The following ARHGEF12 variants were observed in gnomAD, a reference collection of about 807,000 sequenced individuals.
ARHGEF12 encodes the protein Rho guanine nucleotide exchange factor 12, also known as KMT2A/ARHGEF12 fusion protein.
A neutral mutation model predicts 211.2 loss-of-function variants in ARHGEF12; 66 were observed. That is an observed-to-expected ratio of 0.31 (90% CI 0.26 to 0.38). The LOEUF is 0.38. Among genes scored for constraint, ARHGEF12 ranks in the 10% least tolerant of loss-of-function variants. The pLI is 1.00. For synonymous variants in ARHGEF12, 592 were observed against 638.4 expected (o/e 0.93, Z 1.09); for missense variants, 1,429 against 1,869.5 (o/e 0.76, Z 4.34).
chr11:120,386,399 C>T (rs1944030715), intron 1 of ARHGEF12, among the ~76,000 whole-genome samples: 1 of 152,122 alleles, frequency 6.6e-6, no homozygotes, highest in African/African-American at 2.4e-5. Flanking sequence ...ACAGACTTCT[C>T]TATTTAGGAA....
intron 1 of ARHGEF12, among the ~76,000 whole-genome samples, chr11:120,352,258 A>G (rs780266360): frequency 6.6e-6 from 1 of 152,204 alleles, no homozygotes; most frequent in Non-Finnish European, 1.5e-5. Flanking sequence ...AAATATATAC[A>G]CATCTGTAAA....
intron 4 of ARHGEF12, among the ~76,000 whole-genome samples, chr11:120,420,034 A>C (rs773163771): frequency 6.6e-6 from 1 of 151,976 alleles, no homozygotes; most frequent in Non-Finnish European, 1.5e-5. Flanking sequence ...GACAGTTTTC[A>C]TTTGCTGTTT....
intron 1 of ARHGEF12, among the ~76,000 whole-genome samples, chr11:120,345,383 A>C (rs1942673348): frequency 6.6e-6 from 1 of 152,214 alleles, no homozygotes; most frequent in Non-Finnish European, 1.5e-5. Flanking sequence ...GCTTTGCTGA[A>C]ACCTGAAAGT....
intron 1 of ARHGEF12, among the ~76,000 whole-genome samples, chr11:120,376,882 A>T (rs1943742069): frequency 6.6e-6 from 1 of 152,176 alleles, no homozygotes; most frequent in South Asian, 2.1e-4. Flanking sequence ...AATGAATGAG[A>T]GCATGTGAAG....
chr11:120,476,602 C>A, intron 33 of ARHGEF12, 59 bp from the exon 34 acceptor site: 1 of 1,288,526 alleles, frequency 7.8e-7, no homozygotes, highest in Non-Finnish European at 1.1e-6. Flanking sequence ...ACCCTAAAAA[C>A]ATCCCTCATG....
At position 120,457,185 on chromosome 11, in the gene ARHGEF12, T is replaced by C. The variant is rs1011161843; in HGVS notation, c.2124T>C (p.Asn708=). 1 of 1,614,006 alleles carries C rather than the reference T, an allele frequency of 6.2e-7. No individual in the cohort carries two copies. Among genetic ancestry groups the C allele is most frequent in the African/African-American group, 1.3e-5 (1 of 74,926 alleles). ...DTLDGTPRTL[N]TVFDFPPPPL... is the part of the protein sequence containing the mutation. ...TAGATGGCACACCTCGTACTCTCAA[T>C]ACTGTCTTTGATTTCCCACCACCTC... Residue 708 remains asparagine (N), a synonymous_variant, in exon 23 of 41, where the codon AAT becomes AAC. Transcript: ENST00000397843.
rs1211846000 is a variant in ARHGEF12 at position 120,406,100 on chromosome 11, AT to A, written c.33-12del. The A allele has an allele frequency of 2.0e-6, 3 of 1,532,038 alleles. No homozygotes were observed. The highest frequency in any genetic ancestry group is 2.5e-5 in the East Asian group (1 of 40,404). 94.9% of individuals were successfully genotyped at this position (1,532,038 alleles called of 1,614,324 possible). A position where few individuals can be genotyped will look rare whatever the true frequency, so the allele number is the denominator to read the frequency against. ...AAGTAAAGTAACTACATCTATCCTT[AT>A]TTTTTCTTTGTTTCAGGTTTCCCCT... On this transcript the variant is annotated splice_polypyrimidine_tract_variant and intron_variant, in intron 1 of 40. Coordinates refer to ENST00000397843, the MANE Select transcript of ARHGEF12 (RefSeq NM_015313.3).
intron 1 of ARHGEF12, among the ~76,000 whole-genome samples, chr11:120,385,862 G>T (rs796988802): frequency 2.0e-5 from 3 of 152,162 alleles, no homozygotes; most frequent in African/African-American, 7.2e-5. Context: ...AGACTTTGAC[G>T]TATTATTCTG....
At chr11:120,343,722 A>G (rs1942607212) in intron 1 of ARHGEF12, among the ~76,000 whole-genome samples, 1 of 152,200 alleles carries the variant, frequency 6.6e-6, no homozygotes, top group Non-Finnish European at 1.5e-5. Context: ...ACTGCAAGTA[A>G]CAATTCATGC....
intron 39 of ARHGEF12, among the ~76,000 whole-genome samples, chr11:120,483,272 T>TC (rs1314045614): frequency 1.4e-5 from 2 of 146,438 alleles, no homozygotes; most frequent in Non-Finnish European, 3.0e-5. Flanking sequence ...TTTTTTTTTT[T>TC]TTTTTTTTGA....
At chr11:120,431,287 C>G (rs1945524396) in intron 10 of ARHGEF12, among the ~76,000 whole-genome samples, 1 of 152,042 alleles carries the variant, frequency 6.6e-6, no homozygotes, top group South Asian at 2.1e-4. Context: ...AAGACTCCAT[C>G]TCAAATTAAA....
chr11:120,405,745 G>A (rs1944683588), intron 1 of ARHGEF12, among the ~76,000 whole-genome samples: 1 of 152,080 alleles, frequency 6.6e-6, no homozygotes, highest in Non-Finnish European at 1.5e-5. Context: ...CTATAAAATG[G>A]AAAGTATATC....
At chr11:120,382,746 C>T (rs1170760732) in intron 1 of ARHGEF12, among the ~76,000 whole-genome samples, 1 of 151,982 alleles carries the variant, frequency 6.6e-6, no homozygotes, top group Non-Finnish European at 1.5e-5. Flanking sequence ...TTTATATGTG[C>T]ATTGGTTATT....
intron 15 of ARHGEF12, among the ~76,000 whole-genome samples, chr11:120,442,441 C>CACACACACACACACATATATAT: frequency 6.9e-6 from 1 of 144,488 alleles, no homozygotes; most frequent in Admixed American, 6.9e-5. Flanking sequence ...CACACACACA[C>CACACACACACACACATATATAT]ACACACACAC....
At chr11:120,432,736 C>T (rs1945585956) in intron 11 of ARHGEF12, among the ~76,000 whole-genome samples, 1 of 152,174 alleles carries the variant, frequency 6.6e-6, no homozygotes, top group South Asian at 2.1e-4. Flanking sequence ...CACACATCTA[C>T]TATTTAACAA....
chr11:120,361,283 C>G (rs1240735167), intron 1 of ARHGEF12, among the ~76,000 whole-genome samples: 2 of 152,176 alleles, frequency 1.3e-5, no homozygotes, highest in African/African-American at 4.8e-5. Context: ...GCATTAGATT[C>G]TCATAGGAGT....
chr11:120,419,219 C>G (rs1945114445), intron 4 of ARHGEF12, among the ~76,000 whole-genome samples: 1 of 151,416 alleles, frequency 6.6e-6, no homozygotes, highest in South Asian at 2.1e-4. Flanking sequence ...CTCGGCCTCC[C>G]AAAGTGCTGC....
intron 1 of ARHGEF12, among the ~76,000 whole-genome samples, chr11:120,354,732 T>C (rs954465934): frequency 1.3e-5 from 2 of 152,196 alleles, no homozygotes; most frequent in African/African-American, 4.8e-5. Flanking sequence ...ACTAAATCTT[T>C]TATTGAGTAA....
At chr11:120,444,363 C>T (rs538046249) in intron 15 of ARHGEF12, among the ~76,000 whole-genome samples, 138 of 152,278 alleles carry the variant, frequency 9.1e-4, no homozygotes, top group Non-Finnish European at 1.7e-3. Flanking sequence ...AATCCTTACA[C>T]TTTGATTAAT....
Sources: allele counts gnomAD v4.1 joint callset (sites outside exome capture counted in the v4.1 genomes callset), GRCh38; gene constraint gnomAD v4.1.1; transcripts MANE v1.5; gene names NCBI Gene and HGNC (gene_info 2026-07-23, HGNC 2026-07-21).